The following ATG7 variants were observed in gnomAD, a reference collection of about 807,000 sequenced individuals.
ATG7 encodes ubiquitin-like modifier-activating enzyme ATG7.
Under a neutral mutation model 82.4 loss-of-function variants are expected in ATG7, and 70 were observed. That is an observed-to-expected ratio of 0.85 (90% CI 0.70 to 1.04). The LOEUF is 1.04. Ranked by LOEUF, ATG7 falls within the 50% of genes least tolerant of loss-of-function variation. The pLI is 0.00. For synonymous variants in ATG7, 287 were observed against 313.0 expected, an observed-to-expected ratio of 0.92 and a Z score of 0.88; for missense variants, 792 against 864.3, an observed-to-expected ratio of 0.92 and a Z score of 1.05.
intron 20 of ATG7, among the ~76,000 whole-genome samples, chr3:11,554,220 G>A (rs2072143492): frequency 1.3e-5 from 2 of 151,636 alleles, no homozygotes; most frequent in African/African-American, 4.9e-5. Context: ...GAGGGACTGT[G>A]GCAGGATCTG....
chr3:11,333,674 A>G (rs772001559), intron 11 of ATG7, among the ~76,000 whole-genome samples: 1 of 151,934 alleles, frequency 6.6e-6, no homozygotes, highest in Non-Finnish European at 1.5e-5. Context: ...ATATATTTAC[A>G]TATGTCACAG....
chr3:11,357,033 T>TA lies in ATG7; in HGVS notation c.1285-1377dup, dbSNP rs531477175. 1.4e-4 allele frequency among the ~76,000 whole-genome samples: 21 copies of TA among 152,148 alleles called. No individual in the cohort carries two copies. The South Asian group carries it at 3.5e-3, about 26-fold the overall frequency. On this transcript the variant is annotated intron_variant, in intron 14 of 20. Coordinates refer to ENST00000693202, the MANE Select transcript of ATG7 (RefSeq NM_001349232.2). ...AGATTAGGTTTAAAGTTGAAGATAA[T>TA]AAAAAAAATCCACAATCTACAAATT...
intron 19 of ATG7, among the ~76,000 whole-genome samples, chr3:11,421,598 T>G (rs547877207): frequency 1.3e-5 from 2 of 152,188 alleles, no homozygotes; most frequent in South Asian, 4.1e-4. Flanking sequence ...AAGTCATCCA[T>G]GAGGGTTGGA....
At chr3:11,439,218 ACCACCACG>A in intron 20 of ATG7, among the ~76,000 whole-genome samples, 1 of 151,382 alleles carries the variant, frequency 6.6e-6, no homozygotes, top group Middle Eastern at 3.4e-3. Context: ...ACAGGCGCCC[ACCACCACG>A]CCCGGCTATT....
intron 20 of ATG7, among the ~76,000 whole-genome samples, chr3:11,513,013 A>G (rs2092132147): frequency 6.6e-6 from 1 of 152,216 alleles, no homozygotes; most frequent in Admixed American, 6.5e-5. Flanking sequence ...AGCTAGATAC[A>G]GAGTGTCAAT....
At chr3:11,540,747 T>G (rs1410682690) in intron 20 of ATG7, among the ~76,000 whole-genome samples, 1 of 152,202 alleles carries the variant, frequency 6.6e-6, no homozygotes, top group Non-Finnish European at 1.5e-5. Context: ...TTCTTGATGT[T>G]GTCTTTAAGA....
chr3:11,517,354 AAAG>A (rs1366523176), intron 20 of ATG7, among the ~76,000 whole-genome samples: 1 of 151,916 alleles, frequency 6.6e-6, no homozygotes, highest in Non-Finnish European at 1.5e-5. Flanking sequence ...AAAAAAAAGA[AAAG>A]AAAAGAAAAG....
At chr3:11,472,368 G>A (rs1268728031) in intron 20 of ATG7, among the ~76,000 whole-genome samples, 1 of 152,106 alleles carries the variant, frequency 6.6e-6, no homozygotes, top group African/African-American at 2.4e-5. Flanking sequence ...GGAGAGCGTT[G>A]TTCCCAATGG....
intron 14 of ATG7, among the ~76,000 whole-genome samples, chr3:11,351,587 GC>G (rs981943950): frequency 1.1e-4 from 17 of 152,312 alleles, no homozygotes; most frequent in African/African-American, 4.1e-4. Flanking sequence ...CTTGGAAACA[GC>G]CCCCTGGCAT....
At chr3:11,278,598 G>A (rs1465347558) in intron 1 of ATG7, among the ~76,000 whole-genome samples, 2 of 152,196 alleles carry the variant, frequency 1.3e-5, no homozygotes, top group Non-Finnish European at 2.9e-5. Flanking sequence ...AAACAATGAC[G>A]AATAGGGGAA....
chr3:11,366,855 T>C (rs1396505221), intron 18 of ATG7, among the ~76,000 whole-genome samples: 1 of 152,170 alleles, frequency 6.6e-6, no homozygotes, highest in Non-Finnish European at 1.5e-5. Flanking sequence ...ATTCACCAAC[T>C]CTTCTAGTTC....
At chr3:11,461,870 C>G (rs1238027292) in intron 20 of ATG7, among the ~76,000 whole-genome samples, 2 of 147,976 alleles carry the variant, frequency 1.4e-5, no homozygotes, top group South Asian at 2.1e-4. Context: ...ACTAAAAATA[C>G]AAAAAAAAAA....
intron 20 of ATG7, among the ~76,000 whole-genome samples, chr3:11,549,427 G>A (rs1179503222): frequency 6.6e-6 from 1 of 152,144 alleles, no homozygotes; most frequent in Non-Finnish European, 1.5e-5. Context: ...CAGTAGTCCT[G>A]TGCTGTATAT....
intron 20 of ATG7, among the ~76,000 whole-genome samples, chr3:11,529,194 A>T (rs759535215): frequency 6.6e-6 from 1 of 152,212 alleles, no homozygotes. Context: ...GGCACCTCCA[A>T]AGCCAGCCAG....
At chr3:11,405,042 T>G (rs2080200072) in intron 19 of ATG7, among the ~76,000 whole-genome samples, 2 of 152,294 alleles carry the variant, frequency 1.3e-5, no homozygotes, top group South Asian at 4.1e-4. Context: ...TTTCCAGATT[T>G]TTTAAAGCTT....
chr3:11,286,149 T>C (rs1943959157), intron 3 of ATG7, among the ~76,000 whole-genome samples: 2 of 152,362 alleles, frequency 1.3e-5, no homozygotes, highest in African/African-American at 2.4e-5. Context: ...TAGCACACAG[T>C]GTCTGTTTGT....
At chr3:11,522,928 C>T (rs753139123) in intron 20 of ATG7, among the ~76,000 whole-genome samples, 4 of 152,156 alleles carry the variant, frequency 2.6e-5, no homozygotes, top group Admixed American at 6.5e-5. Flanking sequence ...ACCTACCAGC[C>T]GCATGACCTC....
intron 1 of ATG7, among the ~76,000 whole-genome samples, chr3:11,278,510 C>T (rs1942379693): frequency 6.6e-6 from 1 of 152,210 alleles, no homozygotes; most frequent in African/African-American, 2.4e-5. Flanking sequence ...ACATACCATC[C>T]TGGTTTGTTC....
chr3:11,505,412 A>C (rs1224900659), intron 20 of ATG7, among the ~76,000 whole-genome samples: 1 of 152,220 alleles, frequency 6.6e-6, no homozygotes, highest in Non-Finnish European at 1.5e-5. Flanking sequence ...GTTGTTTAGA[A>C]TTGAAGACAT....
Sources: allele counts gnomAD v4.1 joint callset (sites outside exome capture counted in the v4.1 genomes callset), GRCh38; gene constraint gnomAD v4.1.1; transcripts MANE v1.5; gene names NCBI Gene and HGNC (gene_info 2026-07-23, HGNC 2026-07-21).